The following NCOA4 variants were observed in gnomAD, a reference collection of about 807,000 sequenced individuals.
NCOA4 encodes the protein nuclear receptor coactivator 4, also known as 70 kDa AR-activator.
In NCOA4, 31 loss-of-function variants were observed where a neutral mutation model predicts 69.5. That is an observed-to-expected ratio of 0.45 (90% confidence interval 0.34 to 0.60). NCOA4 has a LOEUF of 0.60. Ranked by LOEUF, NCOA4 falls within the 20% of genes least tolerant of loss-of-function variation. NCOA4 has a pLI of 0.02. For synonymous variants in NCOA4, 228 were observed against 252.4 expected (o/e 0.90, Z 0.92); for missense variants, 600 against 719.2 (o/e 0.83, Z 1.90).
intron 1 of NCOA4, chr10:46,019,207 C>T (rs1839729495): frequency 6.1e-6 from 3 of 491,310 alleles, no homozygotes; most frequent in Non-Finnish European, 5.3e-6. Context: ...TTTTCTAACC[C>T]TGGACACACC....
chr10:46,027,573 T>A, intron 1 of NCOA4: 1 of 1,155,736 alleles, frequency 8.7e-7, no homozygotes, highest in Non-Finnish European at 1.2e-6. Flanking sequence ...ATGAAAATTT[T>A]AAAAGGACTA....
chr10:46,019,325 G>GT, intron 1 of NCOA4: 2 of 985,412 alleles, frequency 2.0e-6, no homozygotes, highest in Non-Finnish European at 2.4e-6. Flanking sequence ...AAAAATACCT[G>GT]TATCACATGG....
At chr10:46,023,286 G>A (rs1839990433) in intron 1 of NCOA4, 14 of 985,364 alleles carry the variant, frequency 1.4e-5, no homozygotes, top group Middle Eastern at 1.0e-3. Flanking sequence ...CAAGGCTACC[G>A]GCCTCAAGGG....
At chr10:46,019,437 G>T in intron 1 of NCOA4, 1 of 985,430 alleles carries the variant, frequency 1.0e-6, no homozygotes, top group South Asian at 4.7e-5. Context: ...TTTCAAATGT[G>T]TTACCCAGCC....
intron 1 of NCOA4, among the ~76,000 whole-genome samples, chr10:46,018,394 G>A (rs1445396607): frequency 6.6e-6 from 1 of 152,238 alleles, no homozygotes; most frequent in Non-Finnish European, 1.5e-5. Context: ...TGAATTCGCA[G>A]TGTGCTGGGT....
chr10:46,014,024 A>C (rs1839385825), intron 5 of NCOA4, among the ~76,000 whole-genome samples: 1 of 152,076 alleles, frequency 6.6e-6, no homozygotes, highest in Non-Finnish European at 1.5e-5. Context: ...CTTAATCAGA[A>C]TATGAATTTT....
chr10:46,015,385 T>G (rs1839481403), intron 2 of NCOA4, 119 bp from the exon 3 acceptor site: 1 of 775,916 alleles, frequency 1.3e-6, no homozygotes, highest in African/African-American at 1.7e-5. Context: ...CCACAAATCC[T>G]TTTAATTATC....
chr10:46,012,678 T>C (rs1158161996), intron 7 of NCOA4, among the ~76,000 whole-genome samples: 1 of 152,140 alleles, frequency 6.6e-6, no homozygotes, highest in Non-Finnish European at 1.5e-5. Flanking sequence ...TTTGTGGGCT[T>C]TTTTAATATA....
At chr10:46,008,453 G>T (rs1442584369) in intron 9 of NCOA4, among the ~76,000 whole-genome samples, 1 of 152,212 alleles carries the variant, frequency 6.6e-6, no homozygotes, top group Non-Finnish European at 1.5e-5. Flanking sequence ...AGTAACTGCA[G>T]ATGTGGTGGA....
At position 46,011,204 on chromosome 10, in the gene NCOA4, A is replaced by C. The variant is rs200632344; in HGVS notation, c.717T>G (p.Thr239=). The change falls in exon 8 of 10, where the codon ACT becomes ACG. Residue 239 remains threonine, a splice_region_variant and synonymous_variant. Transcript: ENST00000581486. ...TGAAGAAATTGCAGGCTCTGGAAGA[A>C]GTCTACACAAAAAGTACACAGTATT... ...TQKQTLENSQ[T]SSRACNFFNN... 125 of 1,581,408 alleles carry C rather than the reference A, an allele frequency of 7.9e-5. No homozygotes were observed. The highest frequency in any genetic ancestry group is 1.0e-4 in the Non-Finnish European group (122 of 1,168,590).
intron 1 of NCOA4, chr10:46,022,646 T>C: frequency 6.1e-6 from 2 of 326,564 alleles, no homozygotes. Flanking sequence ...TTTGTATTTT[T>C]AGTAGAGACG....
chr10:46,007,199 CTA>C (rs1838881148), intron 9 of NCOA4, among the ~76,000 whole-genome samples: 1 of 152,110 alleles, frequency 6.6e-6, no homozygotes, highest in Admixed American at 6.6e-5. Context: ...TTAGTGGTCT[CTA>C]TAGGAGATCA....
At chr10:46,019,144 A>G (rs1554923858) in intron 1 of NCOA4, among the ~76,000 whole-genome samples, 1 of 152,196 alleles carries the variant, frequency 6.6e-6, no homozygotes, top group South Asian at 2.1e-4. Context: ...ATAATCATCT[A>G]TTAAAAAGAA....
At chr10:46,023,446 G>A (rs2132375746) in intron 1 of NCOA4, 1 of 985,720 alleles carries the variant, frequency 1.0e-6, no homozygotes, top group African/African-American at 1.7e-5. Flanking sequence ...GCGTCACACG[G>A]CAACTCCAGT....
Position 46,018,127 on chromosome 10 carries a change from A to G in NCOA4, c.-14-1433T>C, listed in dbSNP as rs143887287. On this transcript the variant is annotated intron_variant, in intron 1 of 9. Coordinates refer to ENST00000581486, the MANE Select transcript of NCOA4 (RefSeq NM_001145263.2). ...TTTTACAAAATACTCAAAGGATGAC[A>G]GACTAAGGCCAGTTTGTAAAGTTTT... is the stretch of plus-strand genomic sequence containing the variant. Among the ~76,000 whole-genome samples the G allele has an allele frequency of 1.9e-3, 290 of 152,346 alleles. 1 individual carries two copies. Among genetic ancestry groups the G allele is most frequent in the African/African-American group, 6.8e-3 (282 of 41,576 alleles).
intron 7 of NCOA4, among the ~76,000 whole-genome samples, chr10:46,012,084 AAAAAAAAAAAAAAAAAAAACG>A: frequency 7.3e-6 from 1 of 136,910 alleles, no homozygotes; most frequent in Non-Finnish European, 1.5e-5. Context: ...AAAAAAAAAA[AAAAAAAAAAAAAAAAAAAACG>A]AAAAAAGAAA....
chr10:46,016,698 T>C lies in NCOA4; in HGVS notation c.-14-4A>G. The C allele has an allele frequency of 1.4e-6, 2 of 1,412,148 alleles. No individual in the cohort carries two copies. The highest frequency in any genetic ancestry group is 1.9e-6 in the Non-Finnish European group (2 of 1,069,628). 87.5% of individuals were successfully genotyped at this position (1,412,148 alleles called of 1,614,324 possible). On this transcript the variant is annotated splice_region_variant and splice_polypyrimidine_tract_variant and intron_variant, in intron 1 of 9. Coordinates refer to ENST00000581486, the MANE Select transcript of NCOA4 (RefSeq NM_001145263.2). Reference sequence around the variant, plus strand: ...GTATTCATTCTCCTCACTGCTCCTTTAAAAGAAAAAAATATATATAAATAG... The same window carrying C: ...GTATTCATTCTCCTCACTGCTCCTTCAAAAGAAAAAAATATATATAAATAG...
At chr10:46,009,084 G>A in intron 9 of NCOA4, 1 of 1,269,358 alleles carries the variant, frequency 7.9e-7, no homozygotes, top group African/African-American at 1.5e-5. Flanking sequence ...CTCTTTATTG[G>A]GATATTTGCT....
At chr10:46,017,606 TG>T (rs1839641363) in intron 1 of NCOA4, among the ~76,000 whole-genome samples, 1 of 152,018 alleles carries the variant, frequency 6.6e-6, no homozygotes, top group Non-Finnish European at 1.5e-5. Flanking sequence ...AGAGAATATA[TG>T]TAATATATAA....
Sources: gnomAD v4.1 joint callset for allele counts (sites outside exome capture counted in the v4.1 genomes callset) on GRCh38, gnomAD v4.1.1 for gene constraint, MANE v1.5 for transcripts, NCBI Gene and HGNC (gene_info 2026-07-23, HGNC 2026-07-21) for gene names.